The following MEI1 variants were observed in gnomAD, a reference collection of about 807,000 sequenced individuals.
MEI1 encodes meiotic double-stranded break formation protein 1, also known as meiosis inhibitor protein 1.
In MEI1, 103 loss-of-function variants were observed where a neutral mutation model predicts 146.2. That is an observed-to-expected ratio of 0.70 (90% CI 0.60 to 0.83). MEI1 has a LOEUF of 0.83. Ranked by LOEUF, MEI1 falls within the 40% of genes least tolerant of loss-of-function variation. MEI1 has a pLI of 0.00. For synonymous variants in MEI1, 652 were observed against 628.2 expected, an observed-to-expected ratio of 1.04 and a Z score of -0.57; for missense variants, 1,529 against 1,533.0, an observed-to-expected ratio of 1.00 and a Z score of 0.04.
chr22:41,795,436 T>A lies in MEI1; in HGVS notation c.3560T>A (p.Val1187Asp). 6.2e-7 allele frequency: 1 copy of A among 1,613,636 alleles called. No individual in the cohort carries two copies. The highest frequency in any genetic ancestry group is 8.5e-7 in the Non-Finnish European group (1 of 1,179,794). The change falls in exon 29 of 31, where the codon GTC (valine) becomes GAC (aspartate). Residue 1187 changes from valine to aspartate, a missense_variant. This residue lies in a region of MEI1 where 313 missense variants were observed against 337.3 expected (regional missense o/e 0.93). Coordinates refer to ENST00000401548, the MANE Select transcript of MEI1 (RefSeq NM_152513.4). This position sits in a 1 kb window ranked among gnomAD's most constrained non-coding sequence, Gnocchi z 4.2. ...TLFMRYRSSS[V>D]LSHEEVGDVL... Reference sequence around the variant, plus strand: ...TTTATGCGGTACCGGAGTAGCAGTGTCCTCTCTCATGAAGAGGTGGGTGAT... The same window carrying A: ...TTTATGCGGTACCGGAGTAGCAGTGACCTCTCTCATGAAGAGGTGGGTGAT...
intron 11 of MEI1, among the ~76,000 whole-genome samples, chr22:41,740,716 C>CGA (rs2072785038): frequency 6.6e-6 from 1 of 151,852 alleles, no homozygotes; most frequent in Non-Finnish European, 1.5e-5. Flanking sequence ...GGCAGCAGAG[C>CGA]GAGACCCTGT....
chr22:41,715,903 A>T, intron 4 of MEI1, 138 bp from the exon 5 acceptor site: 1 of 622,600 alleles, frequency 1.6e-6, no homozygotes, highest in Non-Finnish European at 2.8e-6. Flanking sequence ...GCTGGACACT[A>T]AGCTAAAAAA....
intron 7 of MEI1, among the ~76,000 whole-genome samples, chr22:41,724,994 G>A (rs1043051284): frequency 4.6e-5 from 7 of 151,786 alleles, no homozygotes; most frequent in Admixed American, 3.9e-4. Context: ...GTAGAGACAG[G>A]GATCTTTCTA....
At chr22:41,783,539 A>C (rs938053177) in intron 24 of MEI1, among the ~76,000 whole-genome samples, 1 of 152,004 alleles carries the variant, frequency 6.6e-6, no homozygotes, top group Non-Finnish European at 1.5e-5. Context: ...TGATCCACCC[A>C]CCTCAGCATC....
chr22:41,769,300 T>C (rs1194831829), intron 19 of MEI1, among the ~76,000 whole-genome samples: 1 of 152,158 alleles, frequency 6.6e-6, no homozygotes, highest in Non-Finnish European at 1.5e-5. Context: ...GATGCCAAGA[T>C]AATTCAATGG....
chr22:41,702,372 C>T (rs775137309), intron 1 of MEI1, among the ~76,000 whole-genome samples: 9 of 151,968 alleles, frequency 5.9e-5, no homozygotes, highest in Non-Finnish European at 7.4e-5. Flanking sequence ...AATGCCTGAC[C>T]TCAGGTGAGC....
chr22:41,722,467 ATTTT>A (rs749033326), intron 6 of MEI1, among the ~76,000 whole-genome samples: 1 of 127,644 alleles, frequency 7.8e-6, no homozygotes, highest in African/African-American at 3.2e-5. Context: ...CAGCATTTTA[ATTTT>A]TTTTTTTTTT....
Position 41,752,665 on chromosome 22 carries a change from C to A in MEI1, c.1853+14C>A. 6.3e-7 allele frequency: 1 copy of A among 1,586,242 alleles called. No individual in the cohort carries two copies. The stretch of plus-strand genomic sequence containing the variant: ...CAGTGGTCTGAGGTATGTGTGGTCC[C>A]AGGCAAGATTGAGTGGCCAAGGGGC... On this transcript the variant is annotated intron_variant, in intron 16 of 30. Coordinates refer to ENST00000401548, the MANE Select transcript of MEI1 (RefSeq NM_152513.4).
chr22:41,736,368 G>T (rs564948400), intron 11 of MEI1, among the ~76,000 whole-genome samples: 94 of 151,340 alleles, frequency 6.2e-4, no homozygotes, highest in Non-Finnish European at 1.2e-3. Context: ...TCCCGCCTCA[G>T]CCTCCCGAGT....
At chr22:41,716,351 CATTCTTTTTTTTTTTTTTTTTTTT>C in intron 5 of MEI1, among the ~76,000 whole-genome samples, 1 of 123,616 alleles carries the variant, frequency 8.1e-6, no homozygotes, top group East Asian at 2.1e-4. Context: ...TATTTCCATT[CATTCTTTTTTTTTTTTTTTTTTTT>C]TTTTTTTTTT....
At chr22:41,762,813 T>A (rs2074586752) in intron 18 of MEI1, among the ~76,000 whole-genome samples, 1 of 152,172 alleles carries the variant, frequency 6.6e-6, no homozygotes, top group Admixed American at 6.6e-5. Flanking sequence ...CACCACTGTT[T>A]AATGATAAAT....
At chr22:41,752,080 A>G (rs1249226187) in intron 15 of MEI1, among the ~76,000 whole-genome samples, 1 of 152,124 alleles carries the variant, frequency 6.6e-6, no homozygotes, top group Admixed American at 6.5e-5. Context: ...GGAAAAAAAA[A>G]AAAAGAAAAG....
intron 24 of MEI1, among the ~76,000 whole-genome samples, chr22:41,782,299 G>A (rs1387225852): frequency 1.3e-5 from 2 of 152,316 alleles, no homozygotes; most frequent in Non-Finnish European, 2.9e-5. Context: ...GAGAAGGTGG[G>A]GAATGAATGG....
chr22:41,742,420 C>T (rs946431255), intron 11 of MEI1, among the ~76,000 whole-genome samples: 3 of 152,186 alleles, frequency 2.0e-5, no homozygotes, highest in African/African-American at 7.2e-5. Context: ...TACCAGCAGG[C>T]TCTCCTCTGC....
At chr22:41,752,524 A>G in intron 15 of MEI1, 67 bp from the exon 16 acceptor site, 1 of 1,408,360 alleles carries the variant, frequency 7.1e-7, no homozygotes, top group Non-Finnish European at 9.8e-7. Flanking sequence ...GATACCACCC[A>G]GGCTTGGGAC....
intron 6 of MEI1, among the ~76,000 whole-genome samples, chr22:41,721,831 C>T (rs1053351597): frequency 6.8e-6 from 1 of 147,830 alleles, no homozygotes; most frequent in Non-Finnish European, 1.5e-5. Context: ...AGTGATTCTC[C>T]TGCCACAGCC....
Position 41,720,101 on chromosome 22 carries a change from T to A in MEI1, c.733+1827T>A, listed in dbSNP as rs543199859. 1.8e-4 allele frequency among the ~76,000 whole-genome samples: 27 copies of A among 152,118 alleles called. No individual in the cohort carries two copies. The East Asian group carries it at 5.2e-3, about 29-fold the overall frequency. On this transcript the variant is annotated intron_variant, in intron 6 of 30. Coordinates refer to ENST00000401548, the MANE Select transcript of MEI1 (RefSeq NM_152513.4). Reference sequence around the variant, plus strand: ...ACACACATGGACAACTAGAGTCTAGTGTGATGAGTGCCATCTTGGAGGTGC... The same window carrying A: ...ACACACATGGACAACTAGAGTCTAGAGTGATGAGTGCCATCTTGGAGGTGC...
rs1172666231 is a variant in MEI1 at position 41,716,160 on chromosome 22, G to T, written c.529+14G>T. 1.9e-6 allele frequency: 3 copies of T among 1,568,962 alleles called. No individual in the cohort carries two copies. The highest frequency in any genetic ancestry group is 4.6e-5 in the East Asian group (2 of 43,860). Reference sequence around the variant, plus strand: ...TAATGGAGCATGGTGAGTGACCTGTGGGAGGAGCTGCCACTACCCTTTTAC... The same window carrying T: ...TAATGGAGCATGGTGAGTGACCTGTTGGAGGAGCTGCCACTACCCTTTTAC... On this transcript the variant is annotated intron_variant, in intron 5 of 30. Transcript: ENST00000401548.
Position 41,794,474 on chromosome 22 carries a change from C to A in MEI1, c.3531C>A (p.Thr1177=). ...GACCTGAGATTTTGAGGCTCATGAC[C>A]CTGGTAAGTGCAGAAAGGATATCTT... ...FLRPEILRLM[T]LFMRYRSSSV... Residue 1177 remains threonine, a synonymous_variant, in exon 28 of 31, where the codon ACC becomes ACA. Transcript: ENST00000401548. 6.2e-7 allele frequency: 1 copy of A among 1,612,354 alleles called. No individual in the cohort carries two copies. Among genetic ancestry groups the A allele is most frequent in the Non-Finnish European group, 8.5e-7 (1 of 1,178,450 alleles).
Sources: allele counts gnomAD v4.1 joint callset (sites outside exome capture counted in the v4.1 genomes callset), GRCh38; gene constraint gnomAD v4.1.1; regional missense constraint gnomAD v4.1.1; non-coding constraint Gnocchi (gnomAD v3.1); transcripts MANE v1.5; gene names NCBI Gene and HGNC (gene_info 2026-07-23, HGNC 2026-07-21).